Variants in CALCR observed in about 807,000 individuals in gnomAD.
CALCR encodes calcitonin receptor.
Under a neutral mutation model 59.5 loss-of-function variants are expected in CALCR, and 47 were observed. The observed-to-expected ratio is 0.79, with a 90% CI of 0.63 to 1.01. CALCR has a LOEUF of 1.01. CALCR is among the 50% of genes least tolerant of loss of function. The pLI, the probability that CALCR is intolerant of heterozygous loss-of-function variation, is 0.00. For missense variants in CALCR, 566 were observed against 597.1 expected (o/e 0.95, Z 0.54); for synonymous variants, 213 against 211.3 (o/e 1.01, Z -0.07).
chr7:93,442,727 A>G (rs1799933344), intron 9 of CALCR, among the ~76,000 whole-genome samples: 1 of 152,214 alleles, frequency 6.6e-6, no homozygotes, highest in Non-Finnish European at 1.5e-5. Context: ...AGTCACAGTC[A>G]CCCATCATGT....
At chr7:93,451,897 T>C (rs1472802593) in intron 8 of CALCR, among the ~76,000 whole-genome samples, 1 of 152,016 alleles carries the variant, frequency 6.6e-6, no homozygotes, top group South Asian at 2.1e-4. Flanking sequence ...GAGGCCATTA[T>C]CTTAAATTTA....
At chr7:93,551,303 G>A (rs963844522) in intron 2 of CALCR, among the ~76,000 whole-genome samples, 1 of 152,158 alleles carries the variant, frequency 6.6e-6, no homozygotes, top group East Asian at 1.9e-4. Flanking sequence ...AACTTAAAAC[G>A]TGTATTTCAT....
chr7:93,479,525 A>G lies in CALCR; in HGVS notation c.52-18T>C. 6.2e-7 allele frequency: 1 copy of G among 1,607,456 alleles called. No individual in the cohort carries two copies. The highest frequency in any genetic ancestry group is 8.5e-7 in the Non-Finnish European group (1 of 1,176,958). On this transcript the variant is annotated intron_variant, in intron 3 of 13. Coordinates refer to ENST00000426151, the MANE Select transcript of CALCR (RefSeq NM_001742.4). ...GTTGGGTGCTGTATTAAAAAGAAAA[A>G]TCAGTTACTTATAGACAGGAGGAAT... is the stretch of plus-strand genomic sequence containing the variant.
At chr7:93,546,274 C>T (rs1370166605) in intron 2 of CALCR, among the ~76,000 whole-genome samples, 1 of 152,114 alleles carries the variant, frequency 6.6e-6, no homozygotes, top group African/African-American at 2.4e-5. Context: ...AATAACATCC[C>T]TGTTCACTCA....
In CALCR at chr7:93,482,624, G is replaced by A. The variant is rs553991569; in HGVS notation, c.52-3117C>T. ...GAAACCATAGGCAAATAGTATGTCC[G>A]AGGATAACAAGTAGAAAACCCTATG... On this transcript the variant is annotated intron_variant, in intron 3 of 13. Transcript: ENST00000426151. The A allele has an allele frequency of 7.8e-4, 237 of 303,814 alleles. 6 individuals carry two copies. Among genetic ancestry groups the A allele is most frequent in the South Asian group, 6.3e-3 (225 of 35,840 alleles). 18.8% of individuals were successfully genotyped at this position (303,814 alleles called of 1,614,324 possible). A position where few individuals can be genotyped will look rare whatever the true frequency, so the allele number is the denominator to read the frequency against.
chr7:93,474,889 A>T (rs1035709808), intron 5 of CALCR, among the ~76,000 whole-genome samples: 7 of 151,794 alleles, frequency 4.6e-5, no homozygotes, highest in African/African-American at 1.7e-4. Flanking sequence ...CTTTTTTAGC[A>T]CAGGATGTGG....
rs1789413470 is a variant in CALCR at position 93,550,322 on chromosome 7, T to C, written c.-27+23967A>G. ...CTGGCCAACATGGTGAAATCCCGTCTCTGCTAAAAATACAAAAAATTAGCC... is the reference window on the plus strand; with the variant it reads ...CTGGCCAACATGGTGAAATCCCGTCCCTGCTAAAAATACAAAAAATTAGCC... On this transcript the variant is annotated intron_variant, in intron 2 of 13. Coordinates refer to ENST00000426151, the MANE Select transcript of CALCR (RefSeq NM_001742.4). Among the ~76,000 whole-genome samples the C allele has an allele frequency of 1.3e-5, 2 of 151,462 alleles. 1 individual carries two copies. The highest frequency in any genetic ancestry group is 4.2e-4 in the South Asian group (2 of 4,808).
At chr7:93,445,045 G>C (rs915887507) in intron 8 of CALCR, among the ~76,000 whole-genome samples, 2 of 152,036 alleles carry the variant, frequency 1.3e-5, no homozygotes, top group African/African-American at 4.8e-5. Context: ...TGAACATAGG[G>C]AAAAGCCCTC....
intron 2 of CALCR, among the ~76,000 whole-genome samples, chr7:93,544,181 A>C (rs576876390): frequency 6.6e-6 from 1 of 152,158 alleles, no homozygotes; most frequent in South Asian, 2.1e-4. Flanking sequence ...AACTAAAAAA[A>C]ATAATGCCAA....
At chr7:93,440,860 C>T (rs192097671) in intron 9 of CALCR, among the ~76,000 whole-genome samples, 104 of 152,158 alleles carry the variant, frequency 6.8e-4, no homozygotes, top group African/African-American at 2.5e-3. Context: ...AGCAACTCCC[C>T]GTTCTGTGCT....
intron 2 of CALCR, among the ~76,000 whole-genome samples, chr7:93,519,212 A>C (rs1376611321): frequency 1.3e-5 from 2 of 151,990 alleles, no homozygotes; most frequent in Non-Finnish European, 2.9e-5. Context: ...AAATTCTATA[A>C]ACTTGTTTGT....
chr7:93,506,261 G>C (rs1338711705), intron 2 of CALCR, among the ~76,000 whole-genome samples: 1 of 152,172 alleles, frequency 6.6e-6, no homozygotes, highest in Non-Finnish European at 1.5e-5. Flanking sequence ...ATGCAGATGG[G>C]ATTGGCTGAG....
At chr7:93,524,692 A>C (rs2116104809) in intron 2 of CALCR, among the ~76,000 whole-genome samples, 1 of 152,320 alleles carries the variant, frequency 6.6e-6, no homozygotes, top group South Asian at 2.1e-4. Context: ...TTGTTCTCAC[A>C]GATGAAAATA....
intron 2 of CALCR, among the ~76,000 whole-genome samples, chr7:93,517,317 A>ATCTTTTTTTTTTTTTTT (rs1554404282): frequency 7.8e-6 from 1 of 127,812 alleles, no homozygotes; most frequent in Non-Finnish European, 1.5e-5. Context: ...TTTTTTTTTA[A>ATCTTTTTTTTTTTTTTT]TTTGCTAGCC....
At chr7:93,526,735 C>T (rs1365515836) in intron 2 of CALCR, among the ~76,000 whole-genome samples, 2 of 152,012 alleles carry the variant, frequency 1.3e-5, no homozygotes, top group Non-Finnish European at 2.9e-5. Flanking sequence ...ATTCAATAGA[C>T]AGATAGTCCA....
intron 2 of CALCR, among the ~76,000 whole-genome samples, chr7:93,550,945 T>C (rs1563017595): frequency 6.6e-6 from 1 of 152,182 alleles, no homozygotes; most frequent in Non-Finnish European, 1.5e-5. Context: ...AGGTAAGTTT[T>C]TAATTTATAC....
chr7:93,472,613 T>G, intron 5 of CALCR, 126 bp from the exon 6 acceptor site: 1 of 625,024 alleles, frequency 1.6e-6, no homozygotes, highest in Non-Finnish European at 2.9e-6. Flanking sequence ...TGTGAGTATG[T>G]CAGTAGAGAC....
At position 93,546,590 on chromosome 7, in the gene CALCR, TAGAC is replaced by T. The variant is rs766947497; in HGVS notation, c.-27+27695_-27+27698del. On this transcript the variant is annotated intron_variant, in intron 2 of 13. Coordinates refer to ENST00000426151, the MANE Select transcript of CALCR (RefSeq NM_001742.4). ...CTTTTTCTTTTCTTTTTTTTTTTTT[TAGAC>T]AGGGTGGAGTGCAGTGGTGGGATCA... Among the ~76,000 whole-genome samples the T allele has an allele frequency of 1.8e-4, 27 of 151,534 alleles. No individual in the cohort carries two copies. The East Asian group carries it at 4.8e-3, about 27-fold the overall frequency.
At chr7:93,511,917 C>T (rs1043348359) in intron 2 of CALCR, among the ~76,000 whole-genome samples, 1 of 152,158 alleles carries the variant, frequency 6.6e-6, no homozygotes, top group Non-Finnish European at 1.5e-5. Context: ...TCTGGGTAGG[C>T]ATGCGCTATG....
Sources: allele counts gnomAD v4.1 joint callset (sites outside exome capture counted in the v4.1 genomes callset), GRCh38; gene constraint gnomAD v4.1.1; transcripts MANE v1.5; gene names NCBI Gene and HGNC (gene_info 2026-07-23, HGNC 2026-07-21).